Variants in RBM6 observed in about 807,000 individuals in gnomAD.
The protein encoded by RBM6 is RNA-binding protein 6.
A neutral mutation model predicts 140.4 loss-of-function variants in RBM6; 23 were observed. The ratio of observed to expected loss-of-function variants is 0.16; its 90% CI spans 0.12 to 0.23. The LOEUF (loss-of-function observed/expected upper bound fraction) is 0.23, where lower values mean the gene tolerates loss of function less well. Ranked by LOEUF, RBM6 falls within the 10% of genes least tolerant of loss-of-function variation. The pLI, the probability that RBM6 is intolerant of heterozygous loss-of-function variation, is 1.00. For missense variants in RBM6, 1,139 were observed against 1,386.7 expected (o/e 0.82, Z 2.84); for synonymous variants, 439 against 475.6 (o/e 0.92, Z 1.00).
chr3:49,972,104 C>T lies in RBM6; in HGVS notation c.1369C>T (p.Leu457Phe). The change falls in exon 4 of 21, where the codon CTT (leucine) becomes TTT (phenylalanine). Residue 457 changes from leucine (L) to phenylalanine (F), a missense_variant. By Grantham distance (22) the Leu-to-Phe change is conservative. Around this residue, in one of 9 missense-constraint regions of RBM6, gnomAD observed 566 missense variants for 612.7 expected, o/e 0.92. Transcript: ENST00000266022. Reference sequence around the variant, plus strand: ...CCCAAGTGAGGAGAAACCCAGCAGGCTTATTCGATTAAGTGGGGTACCTGA... The same window carrying T: ...CCCAAGTGAGGAGAAACCCAGCAGGTTTATTCGATTAAGTGGGGTACCTGA... ...TGPSEEKPSR[L>F]IRLSGVPEDA... 6.2e-7 allele frequency: 1 copy of T among 1,613,390 alleles called. No homozygotes were observed. Among genetic ancestry groups the T allele is most frequent in the Non-Finnish European group, 8.5e-7 (1 of 1,179,540 alleles).
intron 1 of RBM6, among the ~76,000 whole-genome samples, chr3:49,949,118 C>T (rs1381058294): frequency 6.6e-6 from 1 of 151,286 alleles, no homozygotes; most frequent in Non-Finnish European, 1.5e-5. Context: ...TGTGAGCCAC[C>T]ACGCCTGGTC....
chr3:49,980,905 T>C (rs955524349), intron 5 of RBM6, among the ~76,000 whole-genome samples: 1 of 152,028 alleles, frequency 6.6e-6, no homozygotes, highest in Non-Finnish European at 1.5e-5. Flanking sequence ...TATTTTATTT[T>C]ATTTTTTATT....
chr3:50,061,474 G>A lies in RBM6; in HGVS notation c.2366G>A (p.Cys789Tyr). ...NRQGQQSSSD[C>Y]YIYDSATGYY... ...TTGTTACCTTTAGCATCATCTGACT[G>A]CTACATATATGATTCTGCTACTGGC... The change falls in exon 14 of 21, where the codon TGC becomes TAC. Residue 789 changes from cysteine to tyrosine, a missense_variant. Physicochemically the swap from Cys to Tyr is radical, Grantham distance 194. Coordinates refer to ENST00000266022, the MANE Select transcript of RBM6 (RefSeq NM_005777.3). The A allele has an allele frequency of 6.2e-7, 1 of 1,603,254 alleles. No homozygotes were observed. Among genetic ancestry groups the A allele is most frequent in the Non-Finnish European group, 8.5e-7 (1 of 1,177,572 alleles).
intron 1 of RBM6, among the ~76,000 whole-genome samples, chr3:49,946,827 A>G (rs1474150016): frequency 7.0e-6 from 1 of 142,870 alleles, no homozygotes; most frequent in Middle Eastern, 3.6e-3. Flanking sequence ...GAGCCATCTC[A>G]CCCGGCCTAT....
At chr3:49,965,229 A>T (rs757097735) in intron 2 of RBM6, among the ~76,000 whole-genome samples, 1 of 152,230 alleles carries the variant, frequency 6.6e-6, no homozygotes, top group African/African-American at 2.4e-5. Flanking sequence ...GTCAGAAAAC[A>T]TGTAGATTTC....
At chr3:50,024,604 G>C (rs561746522) in intron 6 of RBM6, among the ~76,000 whole-genome samples, 39 of 152,186 alleles carry the variant, frequency 2.6e-4, no homozygotes, top group Admixed American at 9.8e-4. Context: ...CATTTTCATT[G>C]CTTAGTGAAT....
At chr3:50,001,596 C>T (rs2086329953) in intron 6 of RBM6, among the ~76,000 whole-genome samples, 1 of 152,156 alleles carries the variant, frequency 6.6e-6, no homozygotes, top group Non-Finnish European at 1.5e-5. Context: ...GGGACTTGAG[C>T]ATCCTGAGAT....
intron 6 of RBM6, among the ~76,000 whole-genome samples, chr3:50,012,038 A>C (rs914801878): frequency 2.6e-5 from 4 of 151,628 alleles, no homozygotes; most frequent in East Asian, 1.9e-4. Context: ...TTTTGTAGAG[A>C]GAAGGTCTTG....
At position 49,989,624 on chromosome 3, in the gene RBM6, A is replaced by G. The variant is rs1002480598; in HGVS notation, c.1484-9816A>G. ...TAATAATATTTGTGTAAGTACAGGG[A>G]TATGTTTCTTCAACTCCAAAGTATG... On this transcript the variant is annotated intron_variant, in intron 5 of 20. Transcript: ENST00000266022. Among the ~76,000 whole-genome samples the G allele has an allele frequency of 2.0e-5, 3 of 152,172 alleles. No individual in the cohort carries two copies. In the South Asian group the frequency reaches 6.2e-4, roughly 32 times the overall value.
chr3:49,978,052 G>A (rs2085138092), intron 5 of RBM6, among the ~76,000 whole-genome samples: 1 of 152,180 alleles, frequency 6.6e-6, no homozygotes, highest in Non-Finnish European at 1.5e-5. Context: ...CCAGGTTGGA[G>A]TGCATTGGTA....
intron 6 of RBM6, among the ~76,000 whole-genome samples, chr3:50,044,544 C>T (rs1424376561): frequency 2.0e-5 from 3 of 151,140 alleles, no homozygotes; most frequent in Non-Finnish European, 4.4e-5. Flanking sequence ...AATCGCATCA[C>T]TGCACTCCAG....
At chr3:50,030,496 A>G (rs963583113) in intron 6 of RBM6, among the ~76,000 whole-genome samples, 2 of 152,094 alleles carry the variant, frequency 1.3e-5, no homozygotes, top group South Asian at 4.1e-4. Flanking sequence ...CTTTTTTCCT[A>G]CAACTTTCTG....
intron 6 of RBM6, among the ~76,000 whole-genome samples, chr3:50,038,656 C>T (rs185102911): frequency 6.6e-6 from 1 of 152,222 alleles, no homozygotes; most frequent in Admixed American, 6.5e-5. Context: ...AGGGTGAAAC[C>T]CCGTCTCTAC....
intron 5 of RBM6, among the ~76,000 whole-genome samples, chr3:49,992,511 C>G (rs1328700979): frequency 6.6e-6 from 1 of 152,178 alleles, no homozygotes; most frequent in Non-Finnish European, 1.5e-5. Context: ...TCTGATAATG[C>G]TTATTTCATT....
chr3:50,000,062 C>T (rs2086253439), intron 6 of RBM6, among the ~76,000 whole-genome samples: 1 of 152,180 alleles, frequency 6.6e-6, no homozygotes, highest in Admixed American at 6.5e-5. Context: ...ATTGGAGTTG[C>T]ATACTCAAGT....
chr3:50,058,739 C>G, intron 10 of RBM6, 177 bp downstream of exon 10: 1 of 498,454 alleles, frequency 2.0e-6, no homozygotes, highest in Non-Finnish European at 3.5e-6. Context: ...ACGGTGAAAC[C>G]CTGTCTCTAC....
intron 16 of RBM6, 69 bp from the exon 17 acceptor site, chr3:50,066,173 A>G (rs2090113580): frequency 1.3e-6 from 2 of 1,484,330 alleles, no homozygotes; most frequent in Middle Eastern, 2.4e-4. Context: ...CCCATATCAG[A>G]ATATCAAAAA....
At chr3:50,021,932 G>A (rs959503039) in intron 6 of RBM6, among the ~76,000 whole-genome samples, 1 of 150,878 alleles carries the variant, frequency 6.6e-6, no homozygotes, top group African/African-American at 2.4e-5. Flanking sequence ...TGTACCTATC[G>A]TAGCTTCTCT....
chr3:50,050,302 A>G (rs77983435), intron 7 of RBM6, among the ~76,000 whole-genome samples: 5 of 152,344 alleles, frequency 3.3e-5, no homozygotes, highest in East Asian at 1.9e-4. Context: ...GATATTTCAT[A>G]TAAATGGAAT....
Sources: gnomAD v4.1 joint callset for allele counts (sites outside exome capture counted in the v4.1 genomes callset) on GRCh38, gnomAD v4.1.1 for gene constraint, gnomAD v4.1.1 regional missense constraint, MANE v1.5 for transcripts, NCBI Gene and HGNC (gene_info 2026-07-23, HGNC 2026-07-21) for gene names.